Variants in SIK2 observed in about 807,000 individuals in gnomAD.
SIK2 encodes salt inducible kinase 2.
A neutral mutation model predicts 103.2 loss-of-function variants in SIK2; 29 were observed. The observed-to-expected ratio is 0.28, with a 90% CI of 0.21 to 0.38. The LOEUF (loss-of-function observed/expected upper bound fraction) is 0.38. SIK2 is among the 10% of genes least tolerant of loss of function. SIK2 has a pLI of 1.00. For missense variants in SIK2, 879 were observed against 1,171.0 expected (o/e 0.75, Z 3.64); for synonymous variants, 412 against 446.1 (o/e 0.92, Z 0.96).
intron 3 of SIK2, among the ~76,000 whole-genome samples, chr11:111,680,818 A>G (rs1228782473): frequency 3.3e-5 from 5 of 152,248 alleles, no homozygotes; most frequent in Non-Finnish European, 7.3e-5. Context: ...ATCAGGCACT[A>G]TGCTATGAAA....
At chr11:111,718,878 A>G (rs1591645679) in intron 9 of SIK2, 1 of 152,002 alleles carries the variant, frequency 6.6e-6, no homozygotes, top group Admixed American at 6.6e-5. Flanking sequence ...GTAAATAATT[A>G]CCTCCTCACA....
At chr11:111,685,073 T>C (rs907239889) in intron 3 of SIK2, among the ~76,000 whole-genome samples, 29 of 152,340 alleles carry the variant, frequency 1.9e-4, no homozygotes, top group African/African-American at 6.7e-4. Context: ...TGAAGTTGTC[T>C]TTAATACTTC....
intron 2 of SIK2, among the ~76,000 whole-genome samples, 197 bp from the exon 3 acceptor site, chr11:111,620,142 T>C (rs984551837): frequency 6.6e-6 from 1 of 152,212 alleles, no homozygotes; most frequent in Non-Finnish European, 1.5e-5. Flanking sequence ...GGACCACACT[T>C]AGAAGAGCAA....
rs1943834120 is a variant in SIK2, at chr11:111,722,564, A to T, written c.2056-101A>T. 1.8e-6 allele frequency: 2 copies of T among 1,114,642 alleles called. No homozygotes were observed. The highest frequency in any genetic ancestry group is 1.4e-5 in the South Asian group (1 of 70,744). The allele number at this position is 1,114,642 out of a possible 1,614,324, so 69.0% of individuals were successfully genotyped here. ...TCCCTTCACCCCGTGTGGATTCTGT[A>T]GAATGCAGTTAGATTCATCCTGCAG... is the stretch of plus-strand genomic sequence containing the variant. On this transcript the variant is annotated intron_variant, in intron 13 of 14. Coordinates refer to ENST00000304987, the MANE Select transcript of SIK2 (RefSeq NM_015191.3). The surrounding 1 kb of genome is among the most constrained non-coding windows in gnomAD (Gnocchi z 4.4).
intron 3 of SIK2, among the ~76,000 whole-genome samples, chr11:111,658,610 G>A (rs1443716027): frequency 6.6e-6 from 1 of 152,106 alleles, no homozygotes; most frequent in Non-Finnish European, 1.5e-5. Flanking sequence ...AGGCACAGTG[G>A]CATATGCCTG....
chr11:111,684,050 T>C (rs1469418452), intron 3 of SIK2, among the ~76,000 whole-genome samples: 2 of 152,226 alleles, frequency 1.3e-5, no homozygotes, highest in African/African-American at 2.4e-5. Context: ...CTTCTCTAAA[T>C]AGTTTGTCTC....
At chr11:111,686,968 A>T (rs1192760235) in intron 3 of SIK2, among the ~76,000 whole-genome samples, 1 of 152,222 alleles carries the variant, frequency 6.6e-6, no homozygotes, top group Admixed American at 6.5e-5. Context: ...TGGTTTGTAT[A>T]ATAATTGCAT....
chr11:111,602,818 A>G lies in SIK2; in HGVS notation c.135+120A>G, dbSNP rs1185700834. On this transcript the variant is annotated intron_variant, in intron 1 of 14. Coordinates refer to ENST00000304987, the MANE Select transcript of SIK2 (RefSeq NM_015191.3). The surrounding 1 kb of genome is among the most constrained non-coding windows in gnomAD (Gnocchi z 4.5). ...ACCCGAGAGGCCGCCTCACTGGCGG[A>G]GGCGAGCGGGCCTGGGACTGTGAGG... 4 of 1,360,082 alleles carry G rather than the reference A, an allele frequency of 2.9e-6. No homozygotes were observed. Among genetic ancestry groups the G allele is most frequent in the Non-Finnish European group, 2.9e-6 (3 of 1,052,372 alleles). The allele number at this position is 1,360,082 out of a possible 1,614,324, so 84.3% of individuals were successfully genotyped here.
intron 1 of SIK2, among the ~76,000 whole-genome samples, chr11:111,603,888 A>AT (rs1941615819): frequency 6.6e-6 from 1 of 152,188 alleles, no homozygotes; most frequent in South Asian, 2.1e-4. Context: ...AGAATGACTT[A>AT]TGTAAGGCGA....
chr11:111,700,643 CACTT>C (rs1310725136), intron 4 of SIK2, among the ~76,000 whole-genome samples: 1 of 152,178 alleles, frequency 6.6e-6, no homozygotes, highest in African/African-American at 2.4e-5. Context: ...TCCAGTCTCT[CACTT>C]ACTCGCTTTG....
rs1941594854 is a variant in SIK2, at chr11:111,602,459, G to A, written c.-105G>A. 4.0e-6 allele frequency: 5 copies of A among 1,257,556 alleles called. No homozygotes were observed. Among genetic ancestry groups the A allele is most frequent in the East Asian group, 6.3e-5 (2 of 31,706 alleles). The allele number at this position is 1,257,556 out of a possible 1,614,324, so 77.9% of individuals were successfully genotyped here. ...TGGGGAGCGGGAGGGAAGGAGCGAA[G>A]GAGCGAAGGAGCAAGCGGAGCGGCC... On this transcript the variant is annotated 5_prime_UTR_variant, in exon 1 of 15. Coordinates refer to ENST00000304987, the MANE Select transcript of SIK2 (RefSeq NM_015191.3). The surrounding 1 kb of genome is among the most constrained non-coding windows in gnomAD (Gnocchi z 4.5).
intron 3 of SIK2, among the ~76,000 whole-genome samples, chr11:111,627,989 G>A (rs1941983521): frequency 6.6e-6 from 1 of 152,004 alleles, no homozygotes; most frequent in Non-Finnish European, 1.5e-5. Context: ...TATAATTCCT[G>A]TTTAATCTTC....
chr11:111,632,217 C>T (rs1942049265), intron 3 of SIK2, among the ~76,000 whole-genome samples: 10 of 152,102 alleles, frequency 6.6e-5, no homozygotes, highest in Admixed American at 5.2e-4. Flanking sequence ...AGAGAAGGAA[C>T]GGTACCTCTT....
At chr11:111,710,236 G>C (rs930307290) in intron 8 of SIK2, among the ~76,000 whole-genome samples, 2 of 152,188 alleles carry the variant, frequency 1.3e-5, no homozygotes, top group Admixed American at 6.5e-5. Flanking sequence ...AAAAGAAAAA[G>C]TTGTTTAACA....
intron 1 of SIK2, among the ~76,000 whole-genome samples, chr11:111,604,436 T>C (rs546110671): frequency 6.6e-6 from 1 of 152,364 alleles, no homozygotes; most frequent in African/African-American, 2.4e-5. Flanking sequence ...CTTACTGGGA[T>C]TAATAGCAAG....
intron 3 of SIK2, among the ~76,000 whole-genome samples, chr11:111,684,196 C>T (rs1236433948): frequency 6.6e-6 from 1 of 152,178 alleles, no homozygotes; most frequent in South Asian, 2.1e-4. Context: ...CCTGCTGCCA[C>T]GTTTCAAACT....
At chr11:111,616,447 C>A in intron 2 of SIK2, 88 bp downstream of exon 2, 1 of 769,870 alleles carries the variant, frequency 1.3e-6, no homozygotes, top group Non-Finnish European at 2.2e-6. Context: ...ATTTGTTTTT[C>A]TAATCAATGA....
intron 3 of SIK2, among the ~76,000 whole-genome samples, chr11:111,666,830 TAGC>T (rs1942548839): frequency 1.3e-5 from 2 of 152,136 alleles, no homozygotes; most frequent in South Asian, 4.1e-4. Flanking sequence ...GGCATAATAA[TAGC>T]AGAGAGCAGA....
chr11:111,653,578 G>A (rs1942354947), intron 3 of SIK2, among the ~76,000 whole-genome samples: 1 of 152,196 alleles, frequency 6.6e-6, no homozygotes, highest in South Asian at 2.1e-4. Flanking sequence ...GTGTAATGAA[G>A]GCTTGTCTTC....
Sources: allele counts gnomAD v4.1 joint callset (sites outside exome capture counted in the v4.1 genomes callset), GRCh38; gene constraint gnomAD v4.1.1; non-coding constraint Gnocchi (gnomAD v3.1); transcripts MANE v1.5; gene names NCBI Gene and HGNC (gene_info 2026-07-23, HGNC 2026-07-21).